PIR: variants seen among roughly 807,000 people sequenced by gnomAD.
PIR encodes the protein pirin (iron-binding nuclear protein).
Under a neutral mutation model 24.2 loss-of-function variants are expected in PIR, and 22 were observed. The observed-to-expected ratio is 0.91, with a 90% CI of 0.65 to 1.30. PIR has a LOEUF of 1.30. Ranked by LOEUF, PIR falls within the 50% of genes most tolerant of loss-of-function variation. PIR has a pLI of 0.00. For missense variants in PIR, 220 were observed against 220.3 expected, an observed-to-expected ratio of 1.00 and a Z score of 0.01; for synonymous variants, 80 against 79.6, an observed-to-expected ratio of 1.00 and a Z score of -0.03.
chrX:15,412,611 A>C (rs866432325), intron 6 of PIR, among the ~76,000 whole-genome samples: 1 of 111,521 alleles, frequency 9.0e-6, no homozygotes, highest in East Asian at 2.9e-4. Flanking sequence ...AAATCCTTCA[A>C]TGGCTCCCTG....
At chrX:15,398,107 GTA>G (rs1457660487) in intron 7 of PIR, among the ~76,000 whole-genome samples, 6 of 109,003 alleles carry the variant, frequency 5.5e-5, no homozygotes, top group South Asian at 4.0e-4. Context: ...TTGGGTGGGG[GTA>G]GGGGGGAGGG....
chrX:15,446,425 G>C (rs1031821224), intron 5 of PIR, among the ~76,000 whole-genome samples: 2 of 110,595 alleles, frequency 1.8e-5, no homozygotes, highest in African/African-American at 6.6e-5. Flanking sequence ...AATTGTCTTG[G>C]GCCACACATA....
chrX:15,391,474 A>G (rs2146999420), intron 8 of PIR, among the ~76,000 whole-genome samples: 1 of 112,345 alleles, frequency 8.9e-6, no homozygotes, highest in South Asian at 3.7e-4. Flanking sequence ...CATTATATAA[A>G]ACTAAGTATT....
rs57881493 is a variant in PIR, at chrX:15,426,969, A to G, written c.481-979T>C. Among the ~76,000 whole-genome samples the G allele has an allele frequency of 1.0e-2, 1,118 of 111,974 alleles. 15 individuals are homozygous for G. Among genetic ancestry groups the G allele is most frequent in the African/African-American group, 0.032 (993 of 30,779 alleles). ...TGATAATAGCCCCAAACTGGAAATC[A>G]TCCAAATGTCTTTAATAATAGAATG... On this transcript the variant is annotated intron_variant, in intron 5 of 9. Transcript: ENST00000380420.
chrX:15,432,738 G>A (rs142711052), intron 5 of PIR, among the ~76,000 whole-genome samples: 4 of 112,354 alleles, frequency 3.6e-5, no homozygotes, highest in Non-Finnish European at 7.5e-5. Flanking sequence ...TTAAAGAGAT[G>A]TCTTAAGCTA....
At chrX:15,439,364 T>C (rs965227018) in intron 5 of PIR, among the ~76,000 whole-genome samples, 2 of 112,712 alleles carry the variant, frequency 1.8e-5, no homozygotes, top group Non-Finnish European at 3.7e-5. Context: ...GTTGCAATGA[T>C]AATATTTTGG....
intron 4 of PIR, among the ~76,000 whole-genome samples, chrX:15,458,598 C>T (rs1921175113): frequency 8.9e-6 from 1 of 112,024 alleles, no homozygotes; most frequent in Admixed American, 9.4e-5. Context: ...GTGAATGCAC[C>T]ATTGCACTAC....
At position 15,444,291 on chromosome X, in the gene PIR, G is replaced by A. The variant is rs73451214; in HGVS notation, c.480+11557C>T. Reference sequence around the variant, plus strand: ...TCTCCATCAGCAGAAACATTAGGACGCGCTGGAGGTTCAGATGATCATTAG... The same window carrying A: ...TCTCCATCAGCAGAAACATTAGGACACGCTGGAGGTTCAGATGATCATTAG... On this transcript the variant is annotated intron_variant, in intron 5 of 9. Transcript: ENST00000380420. Among the ~76,000 whole-genome samples, 820 of 112,064 alleles carry A rather than the reference G, an allele frequency of 7.3e-3. 10 individuals are homozygous for A. Among genetic ancestry groups the A allele is most frequent in the African/African-American group, 0.025 (777 of 30,834 alleles).
intron 5 of PIR, among the ~76,000 whole-genome samples, chrX:15,426,778 A>G (rs971667665): frequency 4.5e-5 from 5 of 112,203 alleles, no homozygotes; most frequent in African/African-American, 1.6e-4. Context: ...TAATTTTCAT[A>G]CACTGCTGGT....
At chrX:15,443,799 C>T (rs888212405) in intron 5 of PIR, among the ~76,000 whole-genome samples, 1 of 111,340 alleles carries the variant, frequency 9.0e-6, no homozygotes, top group East Asian at 2.8e-4. Context: ...AAGACTTCAG[C>T]GGAGGAAGTC....
At chrX:15,483,549 TAGTA>T (rs1922627887) in intron 2 of PIR, among the ~76,000 whole-genome samples, 2 of 111,692 alleles carry the variant, frequency 1.8e-5, no homozygotes, top group Non-Finnish European at 3.8e-5. Flanking sequence ...TCTCTTCCAC[TAGTA>T]AGTCTCTGCC....
intron 5 of PIR, among the ~76,000 whole-genome samples, chrX:15,444,847 T>C (rs766878444): frequency 1.8e-5 from 2 of 110,261 alleles, no homozygotes; most frequent in African/African-American, 3.3e-5. Flanking sequence ...CAGCCAGGAG[T>C]GGAGGCTGCT....
At chrX:15,466,006 GTT>G (rs200803758) in intron 3 of PIR, among the ~76,000 whole-genome samples, 16 of 63,123 alleles carry the variant, frequency 2.5e-4, no homozygotes, top group African/African-American at 8.3e-4. Flanking sequence ...AATGGTGGCT[GTT>G]TTTTTTTTTT....
intron 5 of PIR, among the ~76,000 whole-genome samples, chrX:15,441,008 T>C (rs1346432171): frequency 8.9e-6 from 1 of 111,903 alleles, no homozygotes; most frequent in Non-Finnish European, 1.9e-5. Context: ...TTGTGATAAA[T>C]GTGTCTTTTA....
At chrX:15,393,098 CA>C (rs1456928948) in intron 8 of PIR, among the ~76,000 whole-genome samples, 1 of 112,124 alleles carries the variant, frequency 8.9e-6, no homozygotes, top group Non-Finnish European at 1.9e-5. Context: ...AAAACCCATA[CA>C]AAAGTAGCAG....
At chrX:15,398,540 A>G (rs185608284) in intron 7 of PIR, among the ~76,000 whole-genome samples, 1 of 111,266 alleles carries the variant, frequency 9.0e-6, no homozygotes. Flanking sequence ...AAAAGATTGC[A>G]GTGAAAATTC....
chrX:15,399,921 C>T (rs1279551031), intron 7 of PIR, among the ~76,000 whole-genome samples: 1 of 111,674 alleles, frequency 9.0e-6, no homozygotes, highest in Non-Finnish European at 1.9e-5. Context: ...CAACTTCTGT[C>T]CCAGAGGAAG....
intron 5 of PIR, among the ~76,000 whole-genome samples, chrX:15,442,047 T>C (rs1569203342): frequency 9.0e-6 from 1 of 110,717 alleles, no homozygotes; most frequent in East Asian, 2.8e-4. Flanking sequence ...CACACTTCCT[T>C]TATTGTGCTT....
Position 15,422,412 on chromosome X carries a change from C to G in PIR, c.565+3494G>C, listed in dbSNP as rs12559207. On this transcript the variant is annotated intron_variant, in intron 6 of 9. Transcript: ENST00000380420. ...TGTTCACAGATTACATCATCTTACA[C>G]TAAGAAAAACTTAAAGACTCCACCA... 7.8e-3 allele frequency among the ~76,000 whole-genome samples: 852 copies of G among 108,578 alleles called. 27 individuals are homozygous for G. The highest frequency in any genetic ancestry group is 0.072 in the Admixed American group (727 of 10,148). 94.3% of individuals were successfully genotyped at this position (108,578 alleles called of 115,157 possible).
Sources: allele counts gnomAD v4.1 joint callset (sites outside exome capture counted in the v4.1 genomes callset), GRCh38; gene constraint gnomAD v4.1.1; transcripts MANE v1.5; gene names NCBI Gene and HGNC (gene_info 2026-07-23, HGNC 2026-07-21).